The following CC2D2A variants were observed in gnomAD, a reference collection of about 807,000 sequenced individuals.
The protein encoded by CC2D2A is coiled-coil and C2 domain containing 2A, also known as coiled-coil and C2 domain-containing protein 2A.
Under a neutral mutation model 212.9 loss-of-function variants are expected in CC2D2A, and 155 were observed. That is an observed-to-expected ratio of 0.73 (90% CI 0.64 to 0.83). The LOEUF is 0.83. Ranked by LOEUF, CC2D2A falls within the 40% of genes least tolerant of loss-of-function variation. The pLI, the probability that CC2D2A is intolerant of heterozygous loss-of-function variation, is 0.00. For synonymous variants in CC2D2A, 667 were observed against 686.5 expected (o/e 0.97, Z 0.44); for missense variants, 1,856 against 1,956.2 (o/e 0.95, Z 0.97).
chr4:15,553,599 G>GTGC (rs1304589332), intron 19 of CC2D2A, among the ~76,000 whole-genome samples: 1 of 152,202 alleles, frequency 6.6e-6, no homozygotes, highest in African/African-American at 2.4e-5. Context: ...CTATTTTACA[G>GTGC]ATGGGGGAGA....
In CC2D2A at chr4:15,553,163, C is replaced by G; in HGVS notation, c.2344C>G (p.Pro782Ala). ...LDHEGVGSGV[P>A]FSFEADGSNQ... Reference sequence around the variant, plus strand: ...TTAATCTGGTGTTTCCCCAGGAGTGCCCTTCTCATTTGAAGCTGATGGCAG... The same window carrying G: ...TTAATCTGGTGTTTCCCCAGGAGTGGCCTTCTCATTTGAAGCTGATGGCAG... Residue 782 changes from proline (P) to alanine (A), a missense_variant, in exon 19 of 37, where the codon CCC (proline) becomes GCC (alanine). Transcript: ENST00000424120. 1 of 1,600,526 alleles carries G rather than the reference C, an allele frequency of 6.2e-7. No homozygotes were observed. Among genetic ancestry groups the G allele is most frequent in the Non-Finnish European group, 8.5e-7 (1 of 1,175,008 alleles).
intron 4 of CC2D2A, among the ~76,000 whole-genome samples, chr4:15,483,262 C>T (rs913807503): frequency 6.6e-6 from 1 of 152,114 alleles, no homozygotes; most frequent in Non-Finnish European, 1.5e-5. Context: ...CTGGACTGCC[C>T]TAGGCAGGCA....
chr4:15,507,668 G>A (rs767092), intron 6 of CC2D2A, among the ~76,000 whole-genome samples: 22,939 of 152,174 alleles, frequency 0.15, 2,082 homozygotes, highest in East Asian at 0.34. Context: ...AGATAATTAC[G>A]TACCCTTCAT....
chr4:15,484,219 TC>T (rs1326476882), intron 4 of CC2D2A, among the ~76,000 whole-genome samples: 1 of 152,052 alleles, frequency 6.6e-6, no homozygotes, highest in African/African-American at 2.4e-5. Context: ...AAATGAGTGA[TC>T]CCCAAGGGGA....
intron 17 of CC2D2A, among the ~76,000 whole-genome samples, chr4:15,542,778 G>A (rs1027534249): frequency 6.6e-6 from 1 of 152,140 alleles, no homozygotes; most frequent in Non-Finnish European, 1.5e-5. Flanking sequence ...CGCCTCCAGG[G>A]TCCTGTTCCC....
At chr4:15,471,628 C>CAA (rs55660009) in intron 1 of CC2D2A, among the ~76,000 whole-genome samples, 25 of 122,598 alleles carry the variant, frequency 2.0e-4, no homozygotes, top group African/African-American at 7.5e-4. Flanking sequence ...ATGTTGCAGA[C>CAA]AAAAAAAAAA....
chr4:15,556,223 T>C (rs1187889480), intron 20 of CC2D2A, among the ~76,000 whole-genome samples: 2 of 152,202 alleles, frequency 1.3e-5, no homozygotes, highest in African/African-American at 4.8e-5. Flanking sequence ...ATCCAGAGGG[T>C]AGCCCTAGCA....
chr4:15,573,284 G>A (rs1407649512), intron 28 of CC2D2A, among the ~76,000 whole-genome samples: 3 of 152,048 alleles, frequency 2.0e-5, no homozygotes, highest in Non-Finnish European at 2.9e-5. Context: ...TACTTTCCAT[G>A]CCATAGTTTT....
chr4:15,565,781 TTTA>T (rs960435420), intron 24 of CC2D2A, among the ~76,000 whole-genome samples: 19 of 152,076 alleles, frequency 1.2e-4, no homozygotes, highest in African/African-American at 4.6e-4. Context: ...GCTAATTTGT[TTTA>T]TTATTTTTTT....
chr4:15,509,864 GGTAA>G (rs1716461287), intron 6 of CC2D2A, among the ~76,000 whole-genome samples: 1 of 152,066 alleles, frequency 6.6e-6, no homozygotes, highest in African/African-American at 2.4e-5. Flanking sequence ...GTAACACAAT[GGTAA>G]GTATTTTTTT....
chr4:15,530,230 CA>C (rs1345902539), intron 13 of CC2D2A, among the ~76,000 whole-genome samples: 1 of 152,208 alleles, frequency 6.6e-6, no homozygotes, highest in Non-Finnish European at 1.5e-5. Flanking sequence ...CTTGGCCTCC[CA>C]AAGTGCTGGG....
At chr4:15,525,118 G>A (rs1172065624) in intron 11 of CC2D2A, among the ~76,000 whole-genome samples, 1 of 152,218 alleles carries the variant, frequency 6.6e-6, no homozygotes, top group Non-Finnish European at 1.5e-5. Flanking sequence ...GAGACCACTA[G>A]CAGGTTTTGG....
intron 4 of CC2D2A, among the ~76,000 whole-genome samples, chr4:15,500,887 C>G (rs1021229417): frequency 2.0e-5 from 3 of 152,154 alleles, no homozygotes; most frequent in Non-Finnish European, 4.4e-5. Flanking sequence ...TCAGCGCTCA[C>G]CATGGTTGAA....
At chr4:15,511,574 T>G in intron 8 of CC2D2A, 151 bp downstream of exon 8, 1 of 623,040 alleles carries the variant, frequency 1.6e-6, no homozygotes, top group Non-Finnish European at 2.5e-6. Flanking sequence ...AGTACTGAAT[T>G]CACATGGCTC....
chr4:15,596,357 TATAC>T, intron 34 of CC2D2A, 150 bp downstream of exon 34: 1 of 589,390 alleles, frequency 1.7e-6, no homozygotes, highest in Non-Finnish European at 2.6e-6. Flanking sequence ...GAAACAGATA[TATAC>T]GTTTACATAT....
chr4:15,596,003 A>T (rs1282821839), intron 33 of CC2D2A, 82 bp from the exon 34 acceptor site: 1 of 986,122 alleles, frequency 1.0e-6, no homozygotes, highest in Non-Finnish European at 1.4e-6. Context: ...TGCTGCCTCT[A>T]TGCCACACAT....
chr4:15,478,841 T>A, intron 3 of CC2D2A, 35 bp downstream of exon 3: 1 of 1,499,366 alleles, frequency 6.7e-7, no homozygotes, highest in African/African-American at 1.4e-5. Flanking sequence ...CTGCGTATTG[T>A]CATTGATCAA....
At chr4:15,580,341 T>C (rs1306187902) in intron 30 of CC2D2A, among the ~76,000 whole-genome samples, 170 bp downstream of exon 30, 1 of 152,200 alleles carries the variant, frequency 6.6e-6, no homozygotes, top group Non-Finnish European at 1.5e-5. Flanking sequence ...TTTCTTCCTT[T>C]AGAAAAGTCT....
rs1560157734 is a variant in CC2D2A at position 15,511,308 on chromosome 4, C to G, written c.602C>G (p.Pro201Arg). 1 of 1,600,840 alleles carries G rather than the reference C, an allele frequency of 6.2e-7. No individual in the cohort carries two copies. The highest frequency in any genetic ancestry group is 8.5e-7 in the Non-Finnish European group (1 of 1,174,804). Residue 201 changes from proline (P) to arginine (R), a missense_variant, in exon 8 of 37, where the codon CCC (proline) becomes CGC (arginine). Coordinates refer to ENST00000424120, the MANE Select transcript of CC2D2A (RefSeq NM_001378615.1). ...AYNFFTFNFDPEPEGSEEKPK... is the reference protein window; with the variant it reads ...AYNFFTFNFDREPEGSEEKPK... ...AACTTCTTTACTTTCAACTTTGATC[C>G]CGAACCAGAAGGATCAGAGGAAAAA... is the stretch of plus-strand genomic sequence containing the variant.
Sources: gnomAD v4.1 joint callset for allele counts (sites outside exome capture counted in the v4.1 genomes callset) on GRCh38, gnomAD v4.1.1 for gene constraint, MANE v1.5 for transcripts, NCBI Gene and HGNC (gene_info 2026-07-23, HGNC 2026-07-21) for gene names.